TMEM163: variants seen among roughly 807,000 people sequenced by gnomAD.
The protein encoded by TMEM163 is transmembrane protein 163.
Under a neutral mutation model 29.3 loss-of-function variants are expected in TMEM163, and 17 were observed. That is an observed-to-expected ratio of 0.58 (90% CI 0.40 to 0.87). The LOEUF (loss-of-function observed/expected upper bound fraction) is 0.87, where lower values mean the gene tolerates loss of function less well. Ranked by LOEUF, TMEM163 falls within the 40% of genes least tolerant of loss-of-function variation. The pLI, the probability that TMEM163 is intolerant of heterozygous loss-of-function variation, is 0.00. For missense variants in TMEM163, 303 were observed against 381.5 expected (o/e 0.79, Z 1.71); for synonymous variants, 157 against 160.6 (o/e 0.98, Z 0.17).
At chr2:134,536,317 G>A (rs1680539236) in intron 4 of TMEM163, among the ~76,000 whole-genome samples, 1 of 152,110 alleles carries the variant, frequency 6.6e-6, no homozygotes. Context: ...AACCCCTTCT[G>A]GGCTCCCCGT....
intron 5 of TMEM163, among the ~76,000 whole-genome samples, chr2:134,491,460 T>C (rs913736665): frequency 6.8e-6 from 1 of 146,406 alleles, no homozygotes; most frequent in Non-Finnish European, 1.5e-5. Flanking sequence ...CCGTATTTCC[T>C]CTATCAGGAA....
intron 6 of TMEM163, among the ~76,000 whole-genome samples, chr2:134,462,715 A>G (rs1305548691): frequency 6.6e-6 from 1 of 152,242 alleles, no homozygotes; most frequent in Non-Finnish European, 1.5e-5. Flanking sequence ...TCTGTACACC[A>G]CATAACATGA....
At chr2:134,529,522 T>C (rs569871925) in intron 4 of TMEM163, among the ~76,000 whole-genome samples, 2 of 149,262 alleles carry the variant, frequency 1.3e-5, no homozygotes, top group African/African-American at 4.9e-5. Context: ...TCAAGGCAGG[T>C]GGAATGATCT....
chr2:134,701,125 T>G (rs1339944650), intron 2 of TMEM163, among the ~76,000 whole-genome samples: 1 of 151,756 alleles, frequency 6.6e-6, no homozygotes, highest in Non-Finnish European at 1.5e-5. Flanking sequence ...CATGTTGTTT[T>G]GGTACTCCAA....
chr2:134,696,639 A>G (rs1292733015), intron 2 of TMEM163, among the ~76,000 whole-genome samples: 5 of 152,184 alleles, frequency 3.3e-5, no homozygotes, highest in Admixed American at 3.3e-4. Flanking sequence ...GTTTGTTGCT[A>G]TGAGAAATGA....
At position 134,581,698 on chromosome 2, in the gene TMEM163, T is replaced by C. The variant is rs186552580; in HGVS notation, c.323-29607A>G. 3.1e-4 allele frequency among the ~76,000 whole-genome samples: 47 copies of C among 152,290 alleles called. 1 individual carries two copies. In the East Asian group the frequency reaches 8.1e-3, roughly 26 times the overall value. ...AGTTCAAAAGTCAAGTCAGCTCATT[T>C]TGAGGGGAGGATCTCCTACCTTTAG... is the stretch of plus-strand genomic sequence containing the variant. On this transcript the variant is annotated intron_variant, in intron 2 of 7. Transcript: ENST00000281924.
chr2:134,624,373 A>G (rs918262993), intron 2 of TMEM163, among the ~76,000 whole-genome samples: 1 of 152,220 alleles, frequency 6.6e-6, no homozygotes, highest in Non-Finnish European at 1.5e-5. Context: ...ACAGAAAACC[A>G]GATACCGCAT....
At chr2:134,518,990 C>G (rs1680136382) in intron 4 of TMEM163, among the ~76,000 whole-genome samples, 1 of 152,174 alleles carries the variant, frequency 6.6e-6, no homozygotes, top group Non-Finnish European at 1.5e-5. Context: ...TCCATGTGAA[C>G]AAACCAAATG....
At chr2:134,706,531 G>A (rs1684816559) in intron 2 of TMEM163, among the ~76,000 whole-genome samples, 1 of 152,180 alleles carries the variant, frequency 6.6e-6, no homozygotes, top group Non-Finnish European at 1.5e-5. Flanking sequence ...TTCCCGTGGG[G>A]CTATGGGGGA....
At position 134,718,996 on chromosome 2, in the gene TMEM163, A is replaced by T. The variant is rs1490662559; in HGVS notation, c.-61T>A. 6.5e-6 allele frequency: 6 copies of T among 930,098 alleles called. No homozygotes were observed. Among genetic ancestry groups the T allele is most frequent in the Middle Eastern group, 5.7e-4 (1 of 1,754 alleles). 57.6% of individuals were successfully genotyped at this position (930,098 alleles called of 1,614,324 possible). On this transcript the variant is annotated 5_prime_UTR_variant, in exon 1 of 8. Transcript: ENST00000281924. ...AAGCGCGGCGGGGACTCGAGTCAGA[A>T]GTGCGAGGCGCCGCGGCTCTGGCGG...
At chr2:134,676,156 A>G (rs991399768) in intron 2 of TMEM163, among the ~76,000 whole-genome samples, 10 of 152,120 alleles carry the variant, frequency 6.6e-5, no homozygotes, top group African/African-American at 9.7e-5. Flanking sequence ...GCATTTGCCA[A>G]TTTCTATGGT....
chr2:134,506,346 A>AT (rs1215295125), intron 4 of TMEM163, among the ~76,000 whole-genome samples: 1 of 152,094 alleles, frequency 6.6e-6, no homozygotes, highest in African/African-American at 2.4e-5. Context: ...GCACGGTGCT[A>AT]TTTTTTAACG....
intron 2 of TMEM163, among the ~76,000 whole-genome samples, chr2:134,595,347 G>A (rs959569722): frequency 6.6e-6 from 1 of 151,948 alleles, no homozygotes; most frequent in African/African-American, 2.4e-5. Flanking sequence ...TCCCACCTAT[G>A]AGTGAGAGCA....
intron 2 of TMEM163, among the ~76,000 whole-genome samples, chr2:134,680,365 A>T (rs1684203902): frequency 2.2e-5 from 2 of 92,122 alleles, no homozygotes; most frequent in Admixed American, 2.1e-4. Context: ...GAGACCTATA[A>T]AAAAAAAAAG....
intron 5 of TMEM163, among the ~76,000 whole-genome samples, chr2:134,500,445 C>T (rs374015815): frequency 3.9e-5 from 6 of 152,346 alleles, no homozygotes; most frequent in African/African-American, 1.4e-4. Context: ...GAGATGGGAG[C>T]TCACACAGCT....
At chr2:134,492,535 A>T (rs74549354) in intron 5 of TMEM163, among the ~76,000 whole-genome samples, 1 of 152,212 alleles carries the variant, frequency 6.6e-6, no homozygotes, top group African/African-American at 2.4e-5. Context: ...AGCCTCAGGC[A>T]ACCACTGTCT....
chr2:134,463,118 G>A (rs1450109555), intron 6 of TMEM163, among the ~76,000 whole-genome samples: 1 of 152,206 alleles, frequency 6.6e-6, no homozygotes, highest in African/African-American at 2.4e-5. Flanking sequence ...TCCAGGTGAG[G>A]AGACATTGCA....
At chr2:134,630,557 A>G (rs1682944121) in intron 2 of TMEM163, among the ~76,000 whole-genome samples, 1 of 152,174 alleles carries the variant, frequency 6.6e-6, no homozygotes, top group Admixed American at 6.5e-5. Context: ...CAGCCTAGAC[A>G]TGGGCCCGGC....
At chr2:134,669,837 A>G (rs1683951240) in intron 2 of TMEM163, among the ~76,000 whole-genome samples, 2 of 152,182 alleles carry the variant, frequency 1.3e-5, no homozygotes, top group Non-Finnish European at 2.9e-5. Flanking sequence ...GATGAGGTGG[A>G]AAGACTACGA....
Sources: allele counts gnomAD v4.1 joint callset (sites outside exome capture counted in the v4.1 genomes callset), GRCh38; gene constraint gnomAD v4.1.1; transcripts MANE v1.5; gene names NCBI Gene and HGNC (gene_info 2026-07-23, HGNC 2026-07-21).